Variants in OCA2 observed in about 807,000 individuals in gnomAD.
OCA2 encodes the protein OCA2 melanosomal transmembrane protein.
A neutral mutation model predicts 100.2 loss-of-function variants in OCA2; 77 were observed. That is an observed-to-expected ratio of 0.77 (90% confidence interval 0.64 to 0.93). The LOEUF (loss-of-function observed/expected upper bound fraction) is 0.93. Ranked by LOEUF, OCA2 falls within the 40% of genes least tolerant of loss-of-function variation. The pLI is 0.00. For synonymous variants in OCA2, 432 were observed against 439.2 expected (o/e 0.98, Z 0.21); for missense variants, 1,062 against 1,089.1 (o/e 0.98, Z 0.35).
chr15:27,744,600 A>T, the OCA2 span, among the ~76,000 whole-genome samples: 1 of 152,196 alleles, frequency 6.6e-6, no homozygotes, highest in African/African-American at 2.4e-5. Flanking sequence ...TTTTATTTGA[A>T]TGTTGCTCTG....
intron 19 of OCA2, among the ~76,000 whole-genome samples, chr15:27,892,162 C>T (rs1249926767): frequency 6.6e-6 from 1 of 152,044 alleles, no homozygotes; most frequent in Non-Finnish European, 1.5e-5. Context: ...AGAAATGCTA[C>T]ACAGAAAATA....
intron 21 of OCA2, among the ~76,000 whole-genome samples, chr15:27,861,944 G>A (rs1384109866): frequency 6.6e-6 from 1 of 152,204 alleles, no homozygotes; most frequent in Non-Finnish European, 1.5e-5. Flanking sequence ...TTGGGAGCCA[G>A]ACATCCCCCC....
chr15:27,980,729 C>G (rs146033268), intron 14 of OCA2, among the ~76,000 whole-genome samples: 3 of 152,300 alleles, frequency 2.0e-5, no homozygotes, highest in Admixed American at 2.0e-4. Context: ...TGCATTATCT[C>G]TAAAGAGAAA....
At chr15:27,794,426 C>T (rs867922585) in intron 23 of OCA2, among the ~76,000 whole-genome samples, 1 of 152,156 alleles carries the variant, frequency 6.6e-6, no homozygotes, top group African/African-American at 2.4e-5. Flanking sequence ...TGGCCTCCCC[C>T]ACTCTGTCAG....
chr15:28,035,331 G>A (rs2043017353), intron 2 of OCA2, among the ~76,000 whole-genome samples: 1 of 152,076 alleles, frequency 6.6e-6, no homozygotes, highest in Non-Finnish European at 1.5e-5. Context: ...AAGAGACTTT[G>A]GGCCATTCCA....
intron 19 of OCA2, among the ~76,000 whole-genome samples, chr15:27,914,411 GA>G (rs1188689695): frequency 6.6e-6 from 1 of 152,102 alleles, no homozygotes; most frequent in Non-Finnish European, 1.5e-5. Flanking sequence ...AGGAAGAGAG[GA>G]AGTCAAACTA....
chr15:27,903,943 A>T (rs1216850015), intron 19 of OCA2, among the ~76,000 whole-genome samples: 1 of 152,170 alleles, frequency 6.6e-6, no homozygotes, highest in East Asian at 1.9e-4. Context: ...AAACTCTTCC[A>T]TATGTAAGAA....
chr15:27,958,549 G>C (rs540740535), intron 15 of OCA2, among the ~76,000 whole-genome samples: 20 of 152,300 alleles, frequency 1.3e-4, no homozygotes, highest in Middle Eastern at 3.4e-3. Context: ...TAGATGACTT[G>C]ATGAGATGCT....
chr15:27,918,709 T>C (rs1346310011), intron 19 of OCA2, among the ~76,000 whole-genome samples: 2 of 152,240 alleles, frequency 1.3e-5, no homozygotes, highest in Admixed American at 1.3e-4. Flanking sequence ...TTCTGACTTA[T>C]CAATATGAAT....
Position 27,922,680 on chromosome 15 carries a change from G to GTGTGTGTGTGTGT in OCA2, c.2079+3446_2079+3447insACACACACACACA, listed in dbSNP as rs61038958. Among the ~76,000 whole-genome samples the GTGTGTGTGTGTGT allele has an allele frequency of 1.5e-4, 22 of 147,206 alleles. No homozygotes were observed. The East Asian group carries it at 1.6e-3, about 11-fold the overall frequency. On this transcript the variant is annotated intron_variant, in intron 19 of 23. Transcript: ENST00000354638. ...ATAGCTTTTGTGGTTTTTTGTTTGGGGTGTGTGTGTGTGTGTGTGTGTGTG... is the reference window on the plus strand; with the variant it reads ...ATAGCTTTTGTGGTTTTTTGTTTGGGTGTGTGTGTGTGTGTGTGTGTGTGTGTGTGTGTGTGTG...
In OCA2 at chr15:27,805,771, C is replaced by A. The variant is rs181003226; in HGVS notation, c.2432+39188G>T. ...TGCCTGGAGAAGACCCTCCGCGCCC[C>A]CCACATCCAGGTGGTAATGGAGGCT... is the stretch of plus-strand genomic sequence containing the variant. On this transcript the variant is annotated intron_variant, in intron 23 of 23. Coordinates refer to ENST00000354638, the MANE Select transcript of OCA2 (RefSeq NM_000275.3). 2.6e-5 allele frequency among the ~76,000 whole-genome samples: 4 copies of A among 152,086 alleles called. No homozygotes were observed. The South Asian group carries it at 6.2e-4, about 24-fold the overall frequency.
chr15:28,098,439 G>A (rs2045025479), intron 1 of OCA2, among the ~76,000 whole-genome samples: 1 of 152,240 alleles, frequency 6.6e-6, no homozygotes, highest in African/African-American at 2.4e-5. Flanking sequence ...ACCGCAGCTG[G>A]TTTAGGTAGA....
intron 2 of OCA2, among the ~76,000 whole-genome samples, chr15:28,070,523 C>A (rs1344862018): frequency 1.4e-5 from 2 of 139,482 alleles, no homozygotes; most frequent in Admixed American, 7.0e-5. Context: ...CCAGCCGCCC[C>A]GTCCGGGAGG....
At chr15:27,776,485 C>T (rs1287604710) in intron 23 of OCA2, 8 of 152,244 alleles carry the variant, frequency 5.3e-5, no homozygotes, top group East Asian at 1.9e-4. Context: ...TGAGTTACAT[C>T]GACTGCACAG....
intron 14 of OCA2, among the ~76,000 whole-genome samples, chr15:27,969,265 T>G (rs2040689133): frequency 6.7e-6 from 1 of 150,324 alleles, no homozygotes; most frequent in Admixed American, 6.6e-5. Context: ...TGGGTGTGCG[T>G]CCACAGCAAA....
At chr15:27,721,144 T>G in the OCA2 span, among the ~76,000 whole-genome samples, 17 of 152,322 alleles carry the variant, frequency 1.1e-4, no homozygotes, top group African/African-American at 3.4e-4. Context: ...TCAGAGAGTT[T>G]TTATTTAGTT....
chr15:28,024,935 G>A (rs2042704577), intron 4 of OCA2, 33 bp from the exon 5 acceptor site: 1 of 1,609,610 alleles, frequency 6.2e-7, no homozygotes, highest in Admixed American at 1.7e-5. Context: ...TTAGTGGCAA[G>A]GGCAGCAGTC....
chr15:27,994,736 C>CA (rs2041668135), intron 9 of OCA2, among the ~76,000 whole-genome samples: 1 of 152,184 alleles, frequency 6.6e-6, no homozygotes, highest in Non-Finnish European at 1.5e-5. Context: ...AACAGAAGGC[C>CA]AGCATCGCTT....
intron 2 of OCA2, among the ~76,000 whole-genome samples, chr15:28,077,178 G>A (rs529413889): frequency 9.0e-4 from 137 of 151,826 alleles, no homozygotes; most frequent in African/African-American, 3.2e-3. Context: ...TCCTGCCTGA[G>A]CCTCCAGAGT....
Sources: allele counts gnomAD v4.1 joint callset (sites outside exome capture counted in the v4.1 genomes callset), GRCh38; gene constraint gnomAD v4.1.1; transcripts MANE v1.5; gene names NCBI Gene and HGNC (gene_info 2026-07-23, HGNC 2026-07-21).